The following DACH1 variants were observed in gnomAD, a reference collection of about 807,000 sequenced individuals.
The protein encoded by DACH1 is dachshund homolog 1.
A neutral mutation model predicts 54.2 loss-of-function variants in DACH1; 12 were observed. The ratio of observed to expected loss-of-function variants is 0.22; its 90% CI spans 0.14 to 0.36. DACH1 has a LOEUF of 0.36. DACH1 is among the 10% of genes least tolerant of loss of function. DACH1 has a pLI of 1.00. For missense variants in DACH1, 805 were observed against 929.8 expected (o/e 0.87, Z 1.75); for synonymous variants, 386 against 366.2 (o/e 1.05, Z -0.62).
chr13:71,441,681 T>C (rs1459565895), intron 10 of DACH1, among the ~76,000 whole-genome samples: 3 of 152,008 alleles, frequency 2.0e-5, no homozygotes, highest in Non-Finnish European at 4.4e-5. Flanking sequence ...TATAGTACAT[T>C]CAGGAAATAA....
At chr13:71,714,979 C>T (rs544804090) in intron 1 of DACH1, among the ~76,000 whole-genome samples, 1 of 152,178 alleles carries the variant, frequency 6.6e-6, no homozygotes, top group East Asian at 1.9e-4. Context: ...GGATAGCTAA[C>T]ATACACAGAA....
intron 6 of DACH1, among the ~76,000 whole-genome samples, chr13:71,534,703 AAAAATGAATAAGAGGT>A (rs1387236650): frequency 1.9e-4 from 29 of 151,874 alleles, no homozygotes; most frequent in African/African-American, 6.8e-4. Context: ...GTGTGGAGAA[AAAAATGAATAAGAGGT>A]AAAATTTAAA....
intron 3 of DACH1, among the ~76,000 whole-genome samples, chr13:71,599,730 T>C (rs1345637293): frequency 6.6e-6 from 1 of 152,104 alleles, no homozygotes; most frequent in African/African-American, 2.4e-5. Context: ...AACCCTCTCA[T>C]TGATTTCATA....
At chr13:71,447,576 G>A (rs1222562256) in intron 10 of DACH1, among the ~76,000 whole-genome samples, 2 of 151,976 alleles carry the variant, frequency 1.3e-5, no homozygotes, top group Admixed American at 6.6e-5. Context: ...GCTCACACCC[G>A]TAATCCCAGC....
chr13:71,663,440 G>GTCTA (rs1386667376), intron 2 of DACH1, among the ~76,000 whole-genome samples: 2 of 151,962 alleles, frequency 1.3e-5, no homozygotes, highest in African/African-American at 2.4e-5. Flanking sequence ...AATTTGAGGA[G>GTCTA]TAGAGCCTAG....
At chr13:71,729,191 T>C (rs980743563) in intron 1 of DACH1, among the ~76,000 whole-genome samples, 3 of 152,022 alleles carry the variant, frequency 2.0e-5, no homozygotes, top group Non-Finnish European at 4.4e-5. Flanking sequence ...ACTTGTTTCA[T>C]GTCCCAGAGT....
At position 71,590,880 on chromosome 13, in the gene DACH1, T is replaced by C. The variant is rs1404010419; in HGVS notation, c.1127-17868A>G. On this transcript the variant is annotated intron_variant, in intron 3 of 10. Transcript: ENST00000613252. ...CTGTCTCTGTCTCTCTCTTTCTTTTTTTTTTTTTTTTTTTTTTTGAGATAG... is the reference window on the plus strand; with the variant it reads ...CTGTCTCTGTCTCTCTCTTTCTTTTCTTTTTTTTTTTTTTTTTTGAGATAG... 2.2e-5 allele frequency among the ~76,000 whole-genome samples: 3 copies of C among 138,404 alleles called. No homozygotes were observed. The Admixed American group carries it at 2.2e-4, about 10-fold the overall frequency. 90.8% of individuals were successfully genotyped at this position (138,404 alleles called of 152,430 possible).
intron 6 of DACH1, among the ~76,000 whole-genome samples, chr13:71,509,834 T>TGG (rs1253915084): frequency 6.6e-6 from 1 of 152,146 alleles, no homozygotes; most frequent in Non-Finnish European, 1.5e-5. Context: ...ATACCATCGT[T>TGG]CCTTCTAATT....
intron 6 of DACH1, among the ~76,000 whole-genome samples, chr13:71,514,715 T>G (rs1227483547): frequency 2.0e-5 from 3 of 151,868 alleles, no homozygotes; most frequent in Admixed American, 6.6e-5. Flanking sequence ...TTCATCTCCT[T>G]CAATGAAATG....
chr13:71,482,546 T>A (rs1213086616), intron 7 of DACH1, among the ~76,000 whole-genome samples: 2 of 152,132 alleles, frequency 1.3e-5, no homozygotes, highest in African/African-American at 4.8e-5. Context: ...GCAATCACCA[T>A]CCTAACCAAA....
At chr13:71,542,501 G>C (rs1163852853) in intron 6 of DACH1, among the ~76,000 whole-genome samples, 1 of 151,934 alleles carries the variant, frequency 6.6e-6, no homozygotes, top group South Asian at 2.1e-4. Context: ...TACATGTGTC[G>C]ATAGCTGACT....
intron 1 of DACH1, among the ~76,000 whole-genome samples, chr13:71,749,230 G>A (rs558563266): frequency 2.0e-5 from 3 of 151,830 alleles, no homozygotes; most frequent in South Asian, 2.1e-4. Context: ...GTGATCCACC[G>A]CCTCGGCCTC....
chr13:71,520,746 T>C (rs183451916), intron 6 of DACH1, among the ~76,000 whole-genome samples: 2 of 151,578 alleles, frequency 1.3e-5, no homozygotes, highest in East Asian at 3.9e-4. Context: ...GTGCCTGATA[T>C]CAGGAAGTAT....
rs192057945 is a variant in DACH1, at chr13:71,442,619, G to A, written c.2084-1927C>T. On this transcript the variant is annotated intron_variant, in intron 10 of 10. Coordinates refer to ENST00000613252, the MANE Select transcript of DACH1 (RefSeq NM_080759.6). ...AGTATACAGTAGTCCTCCCTTATCT[G>A]TGGGGGATATGTCCAGACTGCCAGT... Among the ~76,000 whole-genome samples, 36 of 152,204 alleles carry A rather than the reference G, an allele frequency of 2.4e-4. 1 individual carries two copies. Among genetic ancestry groups the A allele is most frequent in the Admixed American group, 2.2e-3 (33 of 15,288 alleles).
At chr13:71,443,646 AG>A (rs1874201321) in intron 10 of DACH1, among the ~76,000 whole-genome samples, 1 of 152,154 alleles carries the variant, frequency 6.6e-6, no homozygotes, top group South Asian at 2.1e-4. Context: ...TCTAATTCTG[AG>A]CAATGATGTA....
intron 3 of DACH1, among the ~76,000 whole-genome samples, chr13:71,587,363 T>C (rs1873359640): frequency 6.6e-6 from 1 of 152,106 alleles, no homozygotes; most frequent in African/African-American, 2.4e-5. Context: ...GTTTGATTTA[T>C]GTAAGAGACA....
intron 3 of DACH1, among the ~76,000 whole-genome samples, chr13:71,608,832 G>T (rs972520217): frequency 6.6e-6 from 1 of 151,938 alleles, no homozygotes; most frequent in East Asian, 1.9e-4. Context: ...AACTTTACAT[G>T]CACTGGCCAT....
chr13:71,704,104 T>C (rs2138758288), intron 1 of DACH1: 1 of 168,296 alleles, frequency 5.9e-6, no homozygotes, highest in South Asian at 1.5e-4. Flanking sequence ...ATACAATATA[T>C]TTAAGTATGC....
intron 10 of DACH1, among the ~76,000 whole-genome samples, chr13:71,465,232 C>G (rs1200085869): frequency 4.6e-5 from 7 of 152,058 alleles, no homozygotes; most frequent in South Asian, 2.1e-4. Context: ...TAATAACACA[C>G]TTTCCATAAC....
Sources: allele counts gnomAD v4.1 joint callset (sites outside exome capture counted in the v4.1 genomes callset), GRCh38; gene constraint gnomAD v4.1.1; transcripts MANE v1.5; gene names NCBI Gene and HGNC (gene_info 2026-07-23, HGNC 2026-07-21).